Variants in ACTR6 observed in about 807,000 individuals in gnomAD.
ACTR6 encodes the protein actin related protein 6, also known as actin-related protein 6.
Under a neutral mutation model 52.5 loss-of-function variants are expected in ACTR6, and 50 were observed. The observed-to-expected ratio is 0.95, with a 90% CI of 0.76 to 1.20. The LOEUF (loss-of-function observed/expected upper bound fraction) is 1.20, where lower values mean the gene tolerates loss of function less well. Ranked by LOEUF, ACTR6 falls within the 50% of genes most tolerant of loss-of-function variation. ACTR6 has a pLI of 0.00. For missense variants in ACTR6, 344 were observed against 472.4 expected (o/e 0.73, Z 2.52); for synonymous variants, 135 against 147.2 (o/e 0.92, Z 0.60).
At chr12:100,206,506 GT>G (rs111893743) in intron 3 of ACTR6, among the ~76,000 whole-genome samples, 4 of 151,040 alleles carry the variant, frequency 2.6e-5, no homozygotes, top group Non-Finnish European at 5.9e-5. Flanking sequence ...ACATCTGCAA[GT>G]TTTTTTTTAT....
At chr12:100,203,620 TG>T (rs2096111767) in intron 1 of ACTR6, 2 of 149,186 alleles carry the variant, frequency 1.3e-5, no homozygotes, top group Admixed American at 1.3e-4. Context: ...TTAATTTTTA[TG>T]GCCATAATTT....
chr12:100,205,321 GT>G, intron 2 of ACTR6: 1 of 310,780 alleles, frequency 3.2e-6, no homozygotes. Flanking sequence ...GTATATATTG[GT>G]GTGTCTTTTG....
At chr12:100,208,741 ATTGTTTGT>A in intron 4 of ACTR6, 1 of 455,744 alleles carries the variant, frequency 2.2e-6, no homozygotes, top group South Asian at 1.5e-5. Context: ...TGCAATTATT[ATTGTTTGT>A]TTGTTTGTTT....
intron 1 of ACTR6, 132 bp from the exon 2 acceptor site, chr12:100,204,808 G>A: frequency 1.7e-6 from 1 of 604,720 alleles, no homozygotes; most frequent in South Asian, 2.2e-5. Flanking sequence ...ATTATTTTAA[G>A]ACAGAATGAG....
chr12:100,209,026 C>T (rs1156507213), intron 4 of ACTR6: 1 of 294,050 alleles, frequency 3.4e-6, no homozygotes, highest in Admixed American at 4.9e-5. Flanking sequence ...GGATTATTGG[C>T]ATAAGCCACG....
In ACTR6 at chr12:100,218,582, T is replaced by A; in HGVS notation, c.918T>A (p.Pro306=). 6.6e-7 allele frequency: 1 copy of A among 1,515,990 alleles called. No individual in the cohort carries two copies. 93.9% of individuals were successfully genotyped at this position (1,515,990 alleles called of 1,614,324 possible). ...EAIVYSIQNL[P]EEMQPHFFKN... is the part of the protein sequence containing the mutation. ...TTGTCTATTCAATTCAAAATCTACC[T>A]GAAGGTACATAAATAGAGTAAAATA... is the stretch of plus-strand genomic sequence containing the variant. Residue 306 remains proline, a synonymous_variant, in exon 9 of 11, where the codon CCT becomes CCA. Coordinates refer to ENST00000188312, the MANE Select transcript of ACTR6 (RefSeq NM_022496.5). This position sits in a 1 kb window ranked among gnomAD's most constrained non-coding sequence, Gnocchi z 4.2.
At chr12:100,220,448 A>C (rs949235548) in intron 10 of ACTR6, among the ~76,000 whole-genome samples, 2 of 152,230 alleles carry the variant, frequency 1.3e-5, no homozygotes, top group East Asian at 3.8e-4. Context: ...AGGCAAAGCA[A>C]TCAGGTTATT....
In ACTR6 at chr12:100,222,869, G is replaced by A. The variant is rs145607748; in HGVS notation, c.1062-917G>A. On this transcript the variant is annotated intron_variant, in intron 10 of 10. Transcript: ENST00000188312. The stretch of plus-strand genomic sequence containing the variant: ...CCTGCTCTAATTTTACCTATTGTCT[G>A]TGTCTTCCCACATAATTGTTTATCA... 2.0e-3 allele frequency among the ~76,000 whole-genome samples: 298 copies of A among 152,236 alleles called. 1 individual carries two copies. Among genetic ancestry groups the A allele is most frequent in the African/African-American group, 6.7e-3 (279 of 41,532 alleles).
intron 1 of ACTR6, among the ~76,000 whole-genome samples, chr12:100,201,812 G>A (rs1352074408): frequency 6.6e-6 from 1 of 152,134 alleles, no homozygotes; most frequent in African/African-American, 2.4e-5. Context: ...TGTTAGAGAC[G>A]GGGTTTCATC....
rs2096117558 is a variant in ACTR6 at position 100,208,996 on chromosome 12, C to T, written c.380-1077C>T. 9.2e-6 allele frequency: 3 copies of T among 324,984 alleles called. No individual in the cohort carries two copies. In the Admixed American group the frequency reaches 1.3e-4, roughly 14 times the overall value. 20.1% of individuals were successfully genotyped at this position (324,984 alleles called of 1,614,324 possible). A position where few individuals can be genotyped will look rare whatever the true frequency, so the allele number is the denominator to read the frequency against. The stretch of plus-strand genomic sequence containing the variant: ...TCCTGGACTGAAGTCATCTTCCCGC[C>T]TTGGCCTCCCATAGTGCTGGGATTA... On this transcript the variant is annotated intron_variant, in intron 4 of 10. Transcript: ENST00000188312.
intron 8 of ACTR6, among the ~76,000 whole-genome samples, chr12:100,216,589 AG>A (rs2096124110): frequency 6.6e-6 from 1 of 152,254 alleles, no homozygotes; most frequent in Admixed American, 6.5e-5. Context: ...TCTGTCAATC[AG>A]GGCTATAAAC....
In ACTR6 at chr12:100,205,761, T is replaced by C; in HGVS notation, c.255+17T>C. On this transcript the variant is annotated intron_variant, in intron 3 of 10. Coordinates refer to ENST00000188312, the MANE Select transcript of ACTR6 (RefSeq NM_022496.5). ...ATGTATCAGGTAACAAATTAGAGTA[T>C]GTATTAAAATTCTATTTCCATGTTT... is the stretch of plus-strand genomic sequence containing the variant. The C allele has an allele frequency of 1.5e-6, 2 of 1,372,828 alleles. No individual in the cohort carries two copies. Among genetic ancestry groups the C allele is most frequent in the Non-Finnish European group, 1.9e-6 (2 of 1,025,884 alleles). The allele number at this position is 1,372,828 out of a possible 1,614,324, so 85.0% of individuals were successfully genotyped here.
At chr12:100,201,966 C>T (rs1246943436) in intron 1 of ACTR6, among the ~76,000 whole-genome samples, 2 of 149,244 alleles carry the variant, frequency 1.3e-5, no homozygotes, top group Admixed American at 6.7e-5. Context: ...GAGTCTGGCT[C>T]TCTTGTCCAG....
chr12:100,205,968 A>G (rs1046451843), intron 3 of ACTR6, among the ~76,000 whole-genome samples: 1 of 152,220 alleles, frequency 6.6e-6, no homozygotes, highest in Admixed American at 6.5e-5. Flanking sequence ...TATTAGATCA[A>G]TTCACTATAT....
chr12:100,221,103 A>G (rs143968893), intron 10 of ACTR6, among the ~76,000 whole-genome samples: 193 of 152,280 alleles, frequency 1.3e-3, no homozygotes, highest in African/African-American at 4.5e-3. Context: ...TTGTAAATAA[A>G]GAAACAAGGG....
intron 3 of ACTR6, among the ~76,000 whole-genome samples, chr12:100,207,309 A>G (rs2096115695): frequency 6.6e-6 from 1 of 151,946 alleles, no homozygotes; most frequent in Non-Finnish European, 1.5e-5. Context: ...GCCTCAAGCA[A>G]TCCTTCCACG....
chr12:100,208,044 C>A, intron 4 of ACTR6: 1 of 296,274 alleles, frequency 3.4e-6, no homozygotes. Flanking sequence ...ACCTGTAGTC[C>A]CAGCTACTTA....
At chr12:100,212,191 T>G (rs867446158) in intron 6 of ACTR6, 65 bp from the exon 7 acceptor site, 1 of 1,198,788 alleles carries the variant, frequency 8.3e-7, no homozygotes. Flanking sequence ...AGAAAAAAAT[T>G]TCAGATAATT....
intron 2 of ACTR6, chr12:100,205,426 T>C (rs574052357): frequency 8.0e-5 from 24 of 299,392 alleles, no homozygotes; most frequent in African/African-American, 5.0e-4. Flanking sequence ...TTGAAATTCA[T>C]ACAGCAGTAT....
Sources: gnomAD v4.1 joint callset for allele counts (sites outside exome capture counted in the v4.1 genomes callset) on GRCh38, gnomAD v4.1.1 for gene constraint, Gnocchi (gnomAD v3.1) non-coding constraint, MANE v1.5 for transcripts, NCBI Gene and HGNC (gene_info 2026-07-23, HGNC 2026-07-21) for gene names.